The following CSMD1 variants were observed in gnomAD, a reference collection of about 807,000 sequenced individuals.
The protein encoded by CSMD1 is CUB and sushi domain-containing protein 1.
In CSMD1, 213 loss-of-function variants were observed where a neutral mutation model predicts 417.5. That is an observed-to-expected ratio of 0.51 (90% CI 0.46 to 0.57). The LOEUF (loss-of-function observed/expected upper bound fraction) is 0.57. Among genes scored for constraint, CSMD1 ranks in the 20% least tolerant of loss-of-function variants. CSMD1 has a pLI of 0.00. For synonymous variants in CSMD1, 2,862 were observed against 1,736.8 expected (o/e 1.65, Z -16.11); for missense variants, 6,923 against 4,529.7 (o/e 1.53, Z -15.17).
chr8:4,916,661 A>T (rs1270667208), intron 1 of CSMD1, among the ~76,000 whole-genome samples: 1 of 152,212 alleles, frequency 6.6e-6, no homozygotes, highest in African/African-American at 2.4e-5. Context: ...TTACACAAAG[A>T]GTCTAGGCAT....
At chr8:4,488,763 C>A (rs528341740) in intron 2 of CSMD1, among the ~76,000 whole-genome samples, 1 of 152,034 alleles carries the variant, frequency 6.6e-6, no homozygotes, top group Non-Finnish European at 1.5e-5. Flanking sequence ...TCAGCTATGA[C>A]CCGCGTCCTG....
At chr8:3,989,496 G>A (rs573992629) in intron 5 of CSMD1, among the ~76,000 whole-genome samples, 2 of 152,278 alleles carry the variant, frequency 1.3e-5, no homozygotes, top group South Asian at 4.1e-4. Flanking sequence ...TTCTCTTCTA[G>A]CCAACTAATA....
chr8:3,346,369 T>A (rs934029639), intron 22 of CSMD1, among the ~76,000 whole-genome samples: 1 of 152,218 alleles, frequency 6.6e-6, no homozygotes, highest in Admixed American at 6.5e-5. Context: ...TATTTAAAAC[T>A]TTGCCTTAAA....
At chr8:4,909,304 T>G (rs971393716) in intron 1 of CSMD1, among the ~76,000 whole-genome samples, 1 of 144,930 alleles carries the variant, frequency 6.9e-6, no homozygotes, top group Non-Finnish European at 1.5e-5. Flanking sequence ...TTTCTGAGAA[T>G]TTTCCCAGCA....
At chr8:4,159,762 A>G (rs1584931846) in intron 3 of CSMD1, among the ~76,000 whole-genome samples, 1 of 152,032 alleles carries the variant, frequency 6.6e-6, no homozygotes, top group African/African-American at 2.4e-5. Flanking sequence ...CTAATTTTTT[A>G]TATTTTTAGT....
chr8:3,369,031 G>C (rs556519944), intron 19 of CSMD1, among the ~76,000 whole-genome samples: 3 of 152,164 alleles, frequency 2.0e-5, no homozygotes, highest in African/African-American at 7.2e-5. Flanking sequence ...CGTATATTCA[G>C]GTTATCTGAT....
chr8:4,677,365 G>C (rs191871097), intron 1 of CSMD1, among the ~76,000 whole-genome samples: 2 of 151,856 alleles, frequency 1.3e-5, no homozygotes, highest in Non-Finnish European at 2.9e-5. Flanking sequence ...ATTTATCTTG[G>C]ATAATGGGAC....
At chr8:4,669,909 G>C (rs945421646) in intron 1 of CSMD1, among the ~76,000 whole-genome samples, 8 of 152,166 alleles carry the variant, frequency 5.3e-5, no homozygotes, top group African/African-American at 1.9e-4. Context: ...CAGAGCCCCA[G>C]TGTGCTATAC....
At chr8:3,337,047 G>C (rs1477544317) in intron 23 of CSMD1, among the ~76,000 whole-genome samples, 2 of 152,086 alleles carry the variant, frequency 1.3e-5, no homozygotes, top group Non-Finnish European at 2.9e-5. Context: ...GGGGAGGCTG[G>C]AGCTGGGGTT....
intron 25 of CSMD1, 65 bp downstream of exon 25, chr8:3,307,630 T>A: frequency 6.6e-7 from 1 of 1,505,784 alleles, no homozygotes; most frequent in Non-Finnish European, 9.1e-7. Flanking sequence ...TACCACTATC[T>A]CTGCTACAAG....
intron 5 of CSMD1, among the ~76,000 whole-genome samples, chr8:3,966,378 C>A (rs1047020652): frequency 6.6e-6 from 1 of 152,044 alleles, no homozygotes; most frequent in Non-Finnish European, 1.5e-5. Context: ...CCAAGTCTTG[C>A]GTCTTGAAAA....
intron 1 of CSMD1, among the ~76,000 whole-genome samples, chr8:4,920,457 G>A (rs934248564): frequency 1.3e-5 from 2 of 152,170 alleles, no homozygotes; most frequent in Non-Finnish European, 2.9e-5. Context: ...GAAAACAAAA[G>A]TATATGTCTG....
chr8:3,333,987 A>C (rs12677854), intron 23 of CSMD1, among the ~76,000 whole-genome samples: 1,583 of 152,302 alleles, frequency 0.01, 51 homozygotes, highest in East Asian at 0.084. Context: ...TCCAAAATCT[A>C]GTTCTTAAAA....
chr8:3,949,839 T>C (rs74462656), intron 5 of CSMD1: 4,630 of 449,562 alleles, frequency 0.01, 61 homozygotes, highest in African/African-American at 0.039. Context: ...CTTTCATTGA[T>C]TGAGGGGATC....
chr8:3,731,450 GT>G (rs1563319987), intron 6 of CSMD1, among the ~76,000 whole-genome samples: 1 of 152,146 alleles, frequency 6.6e-6, no homozygotes, highest in Admixed American at 6.5e-5. Context: ...ATGACTACCA[GT>G]TTTAACCCCT....
chr8:4,011,931 A>G (rs1168861281), intron 4 of CSMD1, among the ~76,000 whole-genome samples: 2 of 152,120 alleles, frequency 1.3e-5, no homozygotes, highest in Non-Finnish European at 2.9e-5. Context: ...ACATCTTCCC[A>G]TATACTTTAA....
rs114852457 is a variant in CSMD1, at chr8:3,946,037, G to T, written c.818+51866C>A. On this transcript the variant is annotated intron_variant, in intron 5 of 69. Transcript: ENST00000635120. Reference sequence around the variant, plus strand: ...GCTCATAACATTCTACGATGTAGGCGCTACTTTTACCTTTCTTTCAATACT... The same window carrying T: ...GCTCATAACATTCTACGATGTAGGCTCTACTTTTACCTTTCTTTCAATACT... Among the ~76,000 whole-genome samples the T allele has an allele frequency of 4.5e-3, 678 of 152,180 alleles. 5 individuals carry two copies. The highest frequency in any genetic ancestry group is 0.015 in the African/African-American group (640 of 41,544).
rs1360195214 is a variant in CSMD1, at chr8:3,223,748, T to C, written c.4465A>G (p.Ile1489Val). The change falls in exon 28 of 70, where the codon ATC becomes GTC. Residue 1489 changes from isoleucine (I) to valine (V), a missense_variant. Ile to Val is a conservative substitution (Grantham distance 29, BLOSUM62 3). Transcript: ENST00000635120. ...CGGTACCTTTTGAATATCAAGGCGATGACAAAGTCCGGGTTCACTTTTACT... is the reference window on the plus strand; with the variant it reads ...CGGTACCTTTTGAATATCAAGGCGACGACAAAGTCCGGGTTCACTTTTACT... ...WRVKVNPDFVIALIFKSFNME... is the reference protein window; with the variant it reads ...WRVKVNPDFVVALIFKSFNME... The C allele has an allele frequency of 3.1e-6, 5 of 1,613,822 alleles. No homozygotes were observed. The highest frequency in any genetic ancestry group is 2.7e-5 in the African/African-American group (2 of 74,926).
At chr8:4,604,406 T>TGCGC (rs1296407535) in intron 2 of CSMD1, among the ~76,000 whole-genome samples, 2 of 77,190 alleles carry the variant, frequency 2.6e-5, no homozygotes, top group Non-Finnish European at 7.4e-5. Context: ...TGTGTGTGTG[T>TGCGC]GTGTGCGCGT....
Sources: gnomAD v4.1 joint callset for allele counts (sites outside exome capture counted in the v4.1 genomes callset) on GRCh38, gnomAD v4.1.1 for gene constraint, MANE v1.5 for transcripts, NCBI Gene and HGNC (gene_info 2026-07-23, HGNC 2026-07-21) for gene names.